TFDP1: variants seen among roughly 807,000 people sequenced by gnomAD.
The protein encoded by TFDP1 is DRTF1-polypeptide 1.
TFDP1 carries 6 observed loss-of-function variants against 48.0 expected under a neutral mutation model. That is an observed-to-expected ratio of 0.13 (90% CI 0.07 to 0.25). The LOEUF (loss-of-function observed/expected upper bound fraction) is 0.25, where lower values mean the gene tolerates loss of function less well. Among genes scored for constraint, TFDP1 ranks in the 10% least tolerant of loss-of-function variants. The pLI is 1.00. For missense variants in TFDP1, 335 were observed against 543.0 expected (o/e 0.62, Z 3.81); for synonymous variants, 201 against 211.6 (o/e 0.95, Z 0.44).
intron 2 of TFDP1, chr13:113,586,112 C>T (rs1301145047): frequency 2.6e-6 from 1 of 379,176 alleles, no homozygotes; most frequent in Non-Finnish European, 4.7e-6. Flanking sequence ...TTTTCCTTAT[C>T]TTTACCGACT....
chr13:113,622,988 C>T (rs1325246869), intron 3 of TFDP1, among the ~76,000 whole-genome samples, 192 bp from the exon 4 acceptor site: 3 of 152,270 alleles, frequency 2.0e-5, no homozygotes, highest in Non-Finnish European at 4.4e-5. Context: ...CCCTGCGGCC[C>T]TCCCCTTACG....
At chr13:113,585,976 C>A in intron 2 of TFDP1, 127 bp downstream of exon 2, 1 of 1,100,246 alleles carries the variant, frequency 9.1e-7, no homozygotes, top group Non-Finnish European at 1.3e-6. Flanking sequence ...ACTTTTAAAG[C>A]GTCTGAAGCG....
chr13:113,601,609 G>A lies in TFDP1; in HGVS notation c.13-9387G>A, dbSNP rs1368554184. ...CACCGGAGGTCGTCCCTGAGCTCTG[G>A]GGTTGTGTTTGTTCCCAGGTGTGCT... On this transcript the variant is annotated intron_variant, in intron 2 of 11. Coordinates refer to ENST00000375370, the MANE Select transcript of TFDP1 (RefSeq NM_007111.5). Among the ~76,000 whole-genome samples the A allele has an allele frequency of 2.0e-5, 3 of 152,242 alleles. 1 individual carries two copies. The highest frequency in any genetic ancestry group is 4.4e-5 in the Non-Finnish European group (3 of 68,032).
intron 2 of TFDP1, among the ~76,000 whole-genome samples, chr13:113,599,176 T>G (rs2048352236): frequency 6.6e-6 from 1 of 152,152 alleles, no homozygotes; most frequent in African/African-American, 2.4e-5. Context: ...TAGGTTTTTT[T>G]TTTTCACATC....
chr13:113,630,069 C>T (rs996682318), intron 4 of TFDP1, among the ~76,000 whole-genome samples: 4 of 152,110 alleles, frequency 2.6e-5, no homozygotes, highest in African/African-American at 4.8e-5. Flanking sequence ...GGAAGCCGTG[C>T]GGGGCCAGCG....
rs1385178890 is a variant in TFDP1 at position 113,640,121 on chromosome 13, G to T, written c.1087G>T (p.Asp363Tyr). Residue 363 changes from aspartate (D) to tyrosine (Y), a missense_variant and splice_region_variant, in exon 12 of 12, where the codon GAC (aspartate) becomes TAC (tyrosine). This residue lies in a region of TFDP1 where 204 missense variants were observed against 287.1 expected (regional missense o/e 0.71). Transcript: ENST00000375370. ...CGCCATCCGCCTCCTGCCTTGCAGT[G>T]ACCTGACCAACGGTGCAGATGGGAT... ...TSNGTRFSAS[D>Y]LTNGADGMLA... 4 of 1,601,130 alleles carry T rather than the reference G, an allele frequency of 2.5e-6. No homozygotes were observed. The Admixed American group carries it at 7.0e-5, about 28-fold the overall frequency.
At chr13:113,609,890 C>T (rs58319475) in intron 2 of TFDP1, among the ~76,000 whole-genome samples, 2,036 of 152,324 alleles carry the variant, frequency 0.013, 43 homozygotes, top group African/African-American at 0.046. Flanking sequence ...CAGGCTGCCA[C>T]GCCTGTGCTG....
intron 4 of TFDP1, among the ~76,000 whole-genome samples, chr13:113,625,612 G>A (rs1197372958): frequency 1.9e-5 from 2 of 107,942 alleles, no homozygotes; most frequent in East Asian, 2.7e-4. Context: ...GTCTTCAGGC[G>A]TCTCTCACGT....
At chr13:113,600,240 C>CTG (rs2048380955) in intron 2 of TFDP1, among the ~76,000 whole-genome samples, 1 of 149,490 alleles carries the variant, frequency 6.7e-6, no homozygotes, top group Non-Finnish European at 1.5e-5. Context: ...GGCTCCAGGA[C>CTG]CATGAGAGAG....
intron 2 of TFDP1, among the ~76,000 whole-genome samples, chr13:113,609,791 C>G (rs901929263): frequency 1.3e-5 from 2 of 152,158 alleles, no homozygotes; most frequent in East Asian, 1.9e-4. Context: ...CAGCAACCCT[C>G]ATCGCTGCCC....
At chr13:113,637,663 G>A (rs4150814) in intron 10 of TFDP1, 155 bp from the exon 11 acceptor site, 77 of 1,542,092 alleles carry the variant, frequency 5.0e-5, no homozygotes, top group African/African-American at 2.2e-4. Flanking sequence ...GTCCTGCTCC[G>A]TGGCGCAGTG....
intron 3 of TFDP1, among the ~76,000 whole-genome samples, chr13:113,617,076 C>G (rs540523071): frequency 6.6e-6 from 1 of 152,246 alleles, no homozygotes; most frequent in South Asian, 2.1e-4. Flanking sequence ...TGACTTGAGC[C>G]GTGCTGTGAA....
At chr13:113,632,631 A>T (rs1419623562) in intron 5 of TFDP1, among the ~76,000 whole-genome samples, 1 of 152,166 alleles carries the variant, frequency 6.6e-6, no homozygotes, top group Non-Finnish European at 1.5e-5. Context: ...CAAAAAAATT[A>T]GCCAGATGTG....
intron 2 of TFDP1, among the ~76,000 whole-genome samples, chr13:113,600,864 C>T (rs1356084114): frequency 6.8e-6 from 1 of 147,288 alleles, no homozygotes; most frequent in African/African-American, 2.6e-5. Flanking sequence ...TGATAGAGAA[C>T]TCAGGACTGC....
intron 2 of TFDP1, among the ~76,000 whole-genome samples, chr13:113,590,317 C>T (rs140550542): frequency 2.1e-3 from 317 of 152,250 alleles, no homozygotes; most frequent in Non-Finnish European, 3.2e-3. Context: ...ACCATGGAGG[C>T]GTTTGAGTGA....
chr13:113,638,488 T>C (rs1247589087), intron 11 of TFDP1, among the ~76,000 whole-genome samples: 1 of 151,538 alleles, frequency 6.6e-6, no homozygotes, highest in Non-Finnish European at 1.5e-5. Flanking sequence ...AGTGCATGTA[T>C]TTTTGCGAAC....
intron 2 of TFDP1, among the ~76,000 whole-genome samples, chr13:113,591,009 CAAAAAAAAAAAAAA>C: frequency 1.7e-5 from 1 of 59,858 alleles, no homozygotes; most frequent in South Asian, 7.7e-4. Context: ...GACTCTGTCT[CAAAAAAAAAAAAAA>C]AAAAAAAGAA....
intron 11 of TFDP1, among the ~76,000 whole-genome samples, chr13:113,638,697 C>T (rs1019937244): frequency 1.3e-5 from 2 of 152,074 alleles, no homozygotes; most frequent in Non-Finnish European, 2.9e-5. Context: ...TAATCTTTGA[C>T]CTGCAATCCC....
intron 3 of TFDP1, among the ~76,000 whole-genome samples, chr13:113,618,259 C>CA (rs1373382316): frequency 6.6e-6 from 1 of 152,208 alleles, no homozygotes; most frequent in Non-Finnish European, 1.5e-5. Context: ...TGGTGGCTCA[C>CA]ACCTGTAGTC....
Sources: gnomAD v4.1 joint callset for allele counts (sites outside exome capture counted in the v4.1 genomes callset) on GRCh38, gnomAD v4.1.1 for gene constraint, gnomAD v4.1.1 regional missense constraint, MANE v1.5 for transcripts, NCBI Gene and HGNC (gene_info 2026-07-23, HGNC 2026-07-21) for gene names.